PHF2: variants seen among roughly 807,000 people sequenced by gnomAD.
The protein encoded by PHF2 is PHD finger protein 2, also known as lysine-specific demethylase PHF2.
PHF2 carries 27 observed loss-of-function variants against 120.5 expected under a neutral mutation model. That is an observed-to-expected ratio of 0.22 (90% CI 0.17 to 0.31). The LOEUF (loss-of-function observed/expected upper bound fraction) is 0.31, where lower values mean the gene tolerates loss of function less well. Among genes scored for constraint, PHF2 ranks in the 10% least tolerant of loss-of-function variants. The pLI, the probability that PHF2 is intolerant of heterozygous loss-of-function variation, is 1.00. For synonymous variants in PHF2, 568 were observed against 592.5 expected, an observed-to-expected ratio of 0.96 and a Z score of 0.60; for missense variants, 1,024 against 1,434.8, an observed-to-expected ratio of 0.71 and a Z score of 4.63.
intron 1 of PHF2, among the ~76,000 whole-genome samples, chr9:93,622,877 G>T (rs1310970255): frequency 6.6e-6 from 1 of 152,160 alleles, no homozygotes; most frequent in Admixed American, 6.5e-5. Context: ...GAGTTTGGTG[G>T]TCTGACCTCT....
chr9:93,675,918 C>A, intron 20 of PHF2, 129 bp downstream of exon 20: 1 of 652,582 alleles, frequency 1.5e-6, no homozygotes, highest in Admixed American at 2.6e-5. Flanking sequence ...TGGTCACAGG[C>A]TTGGGGACAT....
At chr9:93,669,317 G>T (rs1826739773) in intron 17 of PHF2, among the ~76,000 whole-genome samples, 1 of 152,266 alleles carries the variant, frequency 6.6e-6, no homozygotes, top group South Asian at 2.1e-4. Flanking sequence ...GCTCTGGCTG[G>T]CTCCTGAGCT....
At chr9:93,580,113 T>G (rs1862905890) in intron 1 of PHF2, among the ~76,000 whole-genome samples, 1 of 152,176 alleles carries the variant, frequency 6.6e-6, no homozygotes, top group Admixed American at 6.5e-5. Flanking sequence ...TTGGGATGTG[T>G]GTCCCTTCAC....
rs1315865345 is a variant in PHF2, at chr9:93,658,240, G to A, written c.1239+4G>A. On this transcript the variant is annotated splice_donor_region_variant and intron_variant, in intron 10 of 21. Coordinates refer to ENST00000359246, the MANE Select transcript of PHF2 (RefSeq NM_005392.4). ...CCGATCGTGGACGAAGAAGCAGGTA[G>A]GAATCATGTCACAAATGCCCTAGGG... The A allele has an allele frequency of 3.1e-6, 5 of 1,608,046 alleles. No homozygotes were observed. The highest frequency in any genetic ancestry group is 4.2e-6 in the Non-Finnish European group (5 of 1,177,110).
chr9:93,642,596 A>G (rs1192322689), intron 3 of PHF2, among the ~76,000 whole-genome samples: 2 of 152,176 alleles, frequency 1.3e-5, no homozygotes, highest in African/African-American at 2.4e-5. Flanking sequence ...TCTCTTGCTA[A>G]TGAGATATCT....
intron 3 of PHF2, among the ~76,000 whole-genome samples, chr9:93,643,471 T>A (rs1826201427): frequency 6.6e-6 from 1 of 152,100 alleles, no homozygotes; most frequent in African/African-American, 2.4e-5. Context: ...CACCGTCTAG[T>A]CCCCCCTGGT....
chr9:93,675,860 C>T, intron 20 of PHF2, 71 bp downstream of exon 20: 7 of 1,162,902 alleles, frequency 6.0e-6, no homozygotes, highest in Non-Finnish European at 8.8e-6. Context: ...TCAGGTTCCC[C>T]AAGGCACCTG....
intron 3 of PHF2, among the ~76,000 whole-genome samples, chr9:93,644,072 ACAC>A (rs1261044323): frequency 6.6e-6 from 1 of 152,086 alleles, no homozygotes; most frequent in Non-Finnish European, 1.5e-5. Flanking sequence ...CCCGCAGACT[ACAC>A]CACTGCCCTG....
chr9:93,619,626 C>T (rs934299933), intron 1 of PHF2, among the ~76,000 whole-genome samples: 2 of 151,968 alleles, frequency 1.3e-5, no homozygotes, highest in African/African-American at 4.8e-5. Context: ...GCCATGCCTG[C>T]TGGTGGCTTC....
chr9:93,622,136 G>A lies in PHF2; in HGVS notation c.99-7834G>A, dbSNP rs544790531. 6.6e-4 allele frequency among the ~76,000 whole-genome samples: 101 copies of A among 152,302 alleles called. 2 individuals carry two copies. In the South Asian group the frequency reaches 0.02, roughly 31 times the overall value. On this transcript the variant is annotated intron_variant, in intron 1 of 21. Coordinates refer to ENST00000359246, the MANE Select transcript of PHF2 (RefSeq NM_005392.4). ...CACCTTGTCCCTGCTATATCACAGGGAGGGGTGAGGCCTGGGTGGCCAGAG... is the reference window on the plus strand; with the variant it reads ...CACCTTGTCCCTGCTATATCACAGGAAGGGGTGAGGCCTGGGTGGCCAGAG...
intron 1 of PHF2, among the ~76,000 whole-genome samples, chr9:93,611,276 G>A (rs1179082167): frequency 2.0e-5 from 3 of 152,002 alleles, no homozygotes; most frequent in African/African-American, 4.8e-5. Flanking sequence ...CTAGACAGGC[G>A]TGGTGGTGTG....
intron 4 of PHF2, 42 bp from the exon 5 acceptor site, chr9:93,649,029 C>T (rs1011448974): frequency 1.7e-5 from 27 of 1,548,852 alleles, no homozygotes; most frequent in East Asian, 1.7e-4. Flanking sequence ...GAGGCTGTGC[C>T]GCCTTCCCAG....
intron 1 of PHF2, among the ~76,000 whole-genome samples, chr9:93,593,861 A>G (rs1016011463): frequency 6.6e-6 from 1 of 152,258 alleles, no homozygotes; most frequent in Non-Finnish European, 1.5e-5. Flanking sequence ...GAATATGCCA[A>G]CATGTTAAAG....
intron 1 of PHF2, among the ~76,000 whole-genome samples, chr9:93,579,414 T>C (rs992521434): frequency 6.6e-6 from 1 of 152,182 alleles, no homozygotes; most frequent in African/African-American, 2.4e-5. Flanking sequence ...AGTGAACATC[T>C]TACCCAGCCA....
chr9:93,643,908 C>G (rs1002282772), intron 3 of PHF2, among the ~76,000 whole-genome samples: 19 of 152,172 alleles, frequency 1.2e-4, no homozygotes, highest in African/African-American at 4.6e-4. Flanking sequence ...TGTTCCCTCC[C>G]ACTTTCTCAG....
chr9:93,661,533 G>A (rs1175312372), intron 12 of PHF2, among the ~76,000 whole-genome samples: 1 of 152,150 alleles, frequency 6.6e-6, no homozygotes, highest in Non-Finnish European at 1.5e-5. Flanking sequence ...ATGAATAGAT[G>A]AATGAATAGA....
At chr9:93,651,450 AG>A (rs1826368827) in intron 5 of PHF2, among the ~76,000 whole-genome samples, 1 of 152,210 alleles carries the variant, frequency 6.6e-6, no homozygotes, top group Non-Finnish European at 1.5e-5. Flanking sequence ...TACCTACCAG[AG>A]CCTTCACATG....
intron 1 of PHF2, chr9:93,594,698 A>C (rs150525824): frequency 1.4e-3 from 215 of 152,294 alleles, no homozygotes; most frequent in African/African-American, 4.9e-3. Context: ...TTGTGCCTAA[A>C]ACATGTGGAT....
At chr9:93,639,657 A>G (rs1414457894) in intron 3 of PHF2, among the ~76,000 whole-genome samples, 3 of 152,158 alleles carry the variant, frequency 2.0e-5, no homozygotes, top group Non-Finnish European at 4.4e-5. Flanking sequence ...CCTCAGCACT[A>G]TCAGCATGCC....
Sources: gnomAD v4.1 joint callset for allele counts (sites outside exome capture counted in the v4.1 genomes callset) on GRCh38, gnomAD v4.1.1 for gene constraint, MANE v1.5 for transcripts, NCBI Gene and HGNC (gene_info 2026-07-23, HGNC 2026-07-21) for gene names.